Variants in DLG2 observed in about 807,000 individuals in gnomAD.
DLG2 encodes discs large MAGUK scaffold protein 2, also known as disks large homolog 2.
A neutral mutation model predicts 132.5 loss-of-function variants in DLG2; 45 were observed. The observed-to-expected ratio is 0.34, with a 90% confidence interval of 0.27 to 0.44. DLG2 has a LOEUF of 0.44. Ranked by LOEUF, DLG2 falls within the 20% of genes least tolerant of loss-of-function variation. The pLI is 1.00. For synonymous variants in DLG2, 424 were observed against 419.6 expected (o/e 1.01, Z -0.13); for missense variants, 1,045 against 1,196.9 (o/e 0.87, Z 1.87).
Position 83,796,479 on chromosome 11 carries a change from T to A in DLG2, c.1723-9687A>T, listed in dbSNP as rs139487734. Among the ~76,000 whole-genome samples the A allele has an allele frequency of 2.7e-3, 411 of 152,340 alleles. 3 individuals carry two copies. Among genetic ancestry groups the A allele is most frequent in the Middle Eastern group, 0.01 (3 of 294 alleles). ...TGATCCCACTCCCTTCCGCATCCCT[T>A]CATATCATTCTCACCAAGTGACCAT... On this transcript the variant is annotated intron_variant, in intron 17 of 27. Transcript: ENST00000376104.
rs2094861241 is a variant in DLG2, at chr11:84,011,067, T to C, written c.920-30425A>G. Among the ~76,000 whole-genome samples the C allele has an allele frequency of 2.6e-5, 4 of 151,430 alleles. No individual in the cohort carries two copies. In the South Asian group the frequency reaches 8.4e-4, roughly 32 times the overall value. On this transcript the variant is annotated intron_variant, in intron 11 of 27. Coordinates refer to ENST00000376104, the MANE Select transcript of DLG2 (RefSeq NM_001142699.3). The stretch of plus-strand genomic sequence containing the variant: ...ACTTTGAGAAGCATGAAAAATCTTT[T>C]TGGCCACTATAAAAAATAAAAAATA...
intron 6 of DLG2, among the ~76,000 whole-genome samples, chr11:84,577,709 T>C (rs1306060547): frequency 6.6e-6 from 1 of 152,208 alleles, no homozygotes; most frequent in East Asian, 1.9e-4. Context: ...TGCAGCCTGA[T>C]GATACAGTAG....
chr11:83,590,867 A>G (rs2097176181), intron 19 of DLG2, among the ~76,000 whole-genome samples: 1 of 151,870 alleles, frequency 6.6e-6, no homozygotes, highest in African/African-American at 2.4e-5. Context: ...AAACACCTCT[A>G]TGCAAATAAA....
chr11:84,326,217 T>C (rs1208675993), intron 7 of DLG2, among the ~76,000 whole-genome samples: 3 of 152,022 alleles, frequency 2.0e-5, no homozygotes, highest in Non-Finnish European at 2.9e-5. Flanking sequence ...TTTTTTTCTT[T>C]TAATTTTATT....
chr11:85,343,760 A>C (rs537183679), intron 3 of DLG2, among the ~76,000 whole-genome samples: 1 of 152,208 alleles, frequency 6.6e-6, no homozygotes, highest in Non-Finnish European at 1.5e-5. Flanking sequence ...GGAACCTGAT[A>C]GAGCAGCGAG....
At chr11:84,837,789 C>T (rs529313733) in intron 6 of DLG2, among the ~76,000 whole-genome samples, 11 of 151,880 alleles carry the variant, frequency 7.2e-5, no homozygotes, top group African/African-American at 2.7e-4. Context: ...TCTGAAAACA[C>T]TCATTCCGCA....
At chr11:85,583,768 C>A (rs1442563540) in intron 3 of DLG2, among the ~76,000 whole-genome samples, 1 of 152,094 alleles carries the variant, frequency 6.6e-6, no homozygotes, top group African/African-American at 2.4e-5. Context: ...TTTGGTTGGT[C>A]CTTTTAGTCA....
intron 9 of DLG2, among the ~76,000 whole-genome samples, chr11:84,124,453 A>G (rs1485773267): frequency 6.6e-6 from 1 of 152,228 alleles, no homozygotes; most frequent in African/African-American, 2.4e-5. Flanking sequence ...AAGAAACACA[A>G]TATTTGTTGA....
At chr11:85,032,550 A>G (rs1029069266) in intron 6 of DLG2, among the ~76,000 whole-genome samples, 2 of 152,130 alleles carry the variant, frequency 1.3e-5, no homozygotes, top group Admixed American at 1.3e-4. Flanking sequence ...TCCTCTTTGT[A>G]ATTTGATAAG....
chr11:84,135,145 TAGAAC>T (rs550094899), intron 9 of DLG2, among the ~76,000 whole-genome samples: 6 of 152,162 alleles, frequency 3.9e-5, no homozygotes, highest in East Asian at 3.9e-4. Flanking sequence ...GTACTAAGCC[TAGAAC>T]AGAACAGAAC....
chr11:83,807,575 G>A (rs2046230450), intron 17 of DLG2, among the ~76,000 whole-genome samples: 2 of 152,094 alleles, frequency 1.3e-5, no homozygotes, highest in East Asian at 1.9e-4. Flanking sequence ...GTAAATAATA[G>A]GAAGGAGGGG....
At chr11:84,970,449 C>T (rs1008290923) in intron 6 of DLG2, among the ~76,000 whole-genome samples, 4 of 152,234 alleles carry the variant, frequency 2.6e-5, no homozygotes, top group Middle Eastern at 3.4e-3. Flanking sequence ...TACCATAAAC[C>T]GCGTTGCTTA....
chr11:84,956,016 C>A (rs1036320547), intron 6 of DLG2, among the ~76,000 whole-genome samples: 4 of 152,134 alleles, frequency 2.6e-5, no homozygotes, highest in East Asian at 1.9e-4. Flanking sequence ...ATGTTTCCAG[C>A]AGAATAAGGG....
intron 3 of DLG2, among the ~76,000 whole-genome samples, chr11:85,491,021 C>A (rs2093548526): frequency 6.6e-6 from 1 of 152,000 alleles, no homozygotes; most frequent in Non-Finnish European, 1.5e-5. Context: ...TAAAAACTCT[C>A]AACAAAATAC....
At chr11:83,891,018 C>T (rs1349446281) in intron 15 of DLG2, among the ~76,000 whole-genome samples, 1 of 151,932 alleles carries the variant, frequency 6.6e-6, no homozygotes, top group Non-Finnish European at 1.5e-5. Context: ...AATATTGTAT[C>T]TGATTAGTTT....
At chr11:84,703,665 TGGTA>T (rs2059432381) in intron 6 of DLG2, among the ~76,000 whole-genome samples, 1 of 151,084 alleles carries the variant, frequency 6.6e-6, no homozygotes, top group Non-Finnish European at 1.5e-5. Context: ...AAACAAATTT[TGGTA>T]GGTAAATTTG....
intron 3 of DLG2, among the ~76,000 whole-genome samples, chr11:85,365,374 C>T (rs562904120): frequency 2.2e-4 from 33 of 152,098 alleles, no homozygotes; most frequent in Middle Eastern, 3.2e-3. Context: ...AACTTGCACA[C>T]GTGTAAGTCT....
intron 14 of DLG2, among the ~76,000 whole-genome samples, chr11:83,945,144 C>T (rs2083518081): frequency 1.3e-5 from 2 of 152,194 alleles, no homozygotes; most frequent in South Asian, 2.1e-4. Context: ...CACATGGTGG[C>T]GCACGCCTAT....
chr11:84,923,274 A>T, intron 6 of DLG2: 1 of 1,487,202 alleles, frequency 6.7e-7, no homozygotes, highest in Non-Finnish European at 8.9e-7. Context: ...ACAAAACGAC[A>T]TGTCTTGAAG....
Sources: gnomAD v4.1 joint callset for allele counts (sites outside exome capture counted in the v4.1 genomes callset) on GRCh38, gnomAD v4.1.1 for gene constraint, MANE v1.5 for transcripts, NCBI Gene and HGNC (gene_info 2026-07-23, HGNC 2026-07-21) for gene names.